The following GREB1L variants were observed in gnomAD, a reference collection of about 807,000 sequenced individuals.
GREB1L encodes GREB1 like retinoic acid receptor coactivator.
A neutral mutation model predicts 200.8 loss-of-function variants in GREB1L; 17 were observed. The observed-to-expected ratio is 0.08, with a 90% CI of 0.06 to 0.13. GREB1L has a LOEUF of 0.13. Among genes scored for constraint, GREB1L ranks in the 10% least tolerant of loss-of-function variants. The probability of loss-of-function intolerance (pLI) is 1.00; values close to 1 mark genes in which losing one functional copy is unlikely to be tolerated. For missense variants in GREB1L, 1,657 were observed against 2,367.7 expected, an observed-to-expected ratio of 0.70 and a Z score of 6.23; for synonymous variants, 789 against 893.0, an observed-to-expected ratio of 0.88 and a Z score of 2.08.
chr18:21,520,578 T>C, intron 31 of GREB1L, 110 bp from the exon 32 acceptor site: 1 of 1,258,876 alleles, frequency 7.9e-7, no homozygotes, highest in Non-Finnish European at 1.1e-6. Context: ...CTCATCTCCT[T>C]TACCTTATCC....
At chr18:21,433,859 T>C (rs1361306543) in intron 7 of GREB1L, among the ~76,000 whole-genome samples, 9 of 152,200 alleles carry the variant, frequency 5.9e-5, no homozygotes, top group African/African-American at 2.2e-4. Flanking sequence ...TCGATCTAGC[T>C]GTTCTGCTGG....
chr18:21,477,603 G>A (rs1455757244), intron 17 of GREB1L, among the ~76,000 whole-genome samples: 1 of 152,070 alleles, frequency 6.6e-6, no homozygotes, highest in African/African-American at 2.4e-5. Flanking sequence ...TGGCTAACAC[G>A]GTGAAACCCC....
At chr18:21,293,401 T>A (rs2038480201) in intron 1 of GREB1L, among the ~76,000 whole-genome samples, 1 of 152,228 alleles carries the variant, frequency 6.6e-6, no homozygotes, top group South Asian at 2.1e-4. Flanking sequence ...AACAATCATT[T>A]TATTTTATGT....
At chr18:21,351,220 T>G (rs2039428336) in intron 1 of GREB1L, among the ~76,000 whole-genome samples, 1 of 152,202 alleles carries the variant, frequency 6.6e-6, no homozygotes, top group South Asian at 2.1e-4. Context: ...TACTGCTTTA[T>G]GTAGATGTTT....
At chr18:21,321,210 G>A (rs1322920599) in intron 1 of GREB1L, among the ~76,000 whole-genome samples, 1 of 151,676 alleles carries the variant, frequency 6.6e-6, no homozygotes, top group African/African-American at 2.4e-5. Context: ...CAGGAGAATC[G>A]CTTGAACCCG....
chr18:21,423,479 C>T (rs1009727901), intron 7 of GREB1L, among the ~76,000 whole-genome samples: 12 of 152,110 alleles, frequency 7.9e-5, no homozygotes, highest in Admixed American at 2.6e-4. Context: ...GTTTTTTGTA[C>T]ATAATTCCTG....
chr18:21,514,767 AAAGTCATCT>A (rs2037359076), intron 28 of GREB1L, among the ~76,000 whole-genome samples: 2 of 152,170 alleles, frequency 1.3e-5, no homozygotes, highest in African/African-American at 4.8e-5. Context: ...ATGAAAAAGG[AAAGTCATCT>A]CACCTCTCCA....
chr18:21,262,853 A>C (rs970379753), intron 1 of GREB1L, among the ~76,000 whole-genome samples: 7 of 152,172 alleles, frequency 4.6e-5, no homozygotes, highest in African/African-American at 1.7e-4. Context: ...AGTTAGTATG[A>C]ATATTTTTAA....
At position 21,403,984 on chromosome 18, in the gene GREB1L, C is replaced by T; in HGVS notation, c.822C>T (p.Phe274=). 1 of 1,551,382 alleles carries T rather than the reference C, an allele frequency of 6.4e-7. No homozygotes were observed. Among genetic ancestry groups the T allele is most frequent in the Non-Finnish European group, 8.7e-7 (1 of 1,146,348 alleles). The change falls in exon 7 of 33, where the codon TTC becomes TTT. Residue 274 remains phenylalanine (F), a synonymous_variant. Transcript: ENST00000424526. ...NGTTNGYKSG[F]TQTDAANGNS... is the part of the protein sequence containing the mutation. ...CAACTAATGGATACAAATCAGGATTCACTCAGACAGGTATGGGATATTTTC... is the reference window on the plus strand; with the variant it reads ...CAACTAATGGATACAAATCAGGATTTACTCAGACAGGTATGGGATATTTTC...
At chr18:21,506,046 C>T (rs2037002540) in intron 25 of GREB1L, 97 bp downstream of exon 25, 5 of 1,256,258 alleles carry the variant, frequency 4.0e-6, no homozygotes, top group Non-Finnish European at 4.3e-6. Context: ...CCCCTAGTTT[C>T]AGGCCTCTGG....
chr18:21,516,199 C>G (rs774665354), intron 29 of GREB1L, among the ~76,000 whole-genome samples: 36 of 152,152 alleles, frequency 2.4e-4, no homozygotes, highest in Non-Finnish European at 5.0e-4. Flanking sequence ...AGGCAGGAAC[C>G]ATAAAGTCCT....
chr18:21,254,731 C>T (rs1439911508), intron 1 of GREB1L, among the ~76,000 whole-genome samples: 7 of 152,172 alleles, frequency 4.6e-5, no homozygotes, highest in Non-Finnish European at 1.0e-4. Context: ...CTCCGCCATC[C>T]TCAGCTTGTT....
At chr18:21,462,106 AAAGT>A (rs1390297074) in intron 15 of GREB1L, among the ~76,000 whole-genome samples, 8 of 152,230 alleles carry the variant, frequency 5.3e-5, no homozygotes, top group African/African-American at 1.9e-4. Flanking sequence ...ACTCATGTCA[AAAGT>A]AAGATTTAGT....
At chr18:21,426,249 G>A (rs1415720719) in intron 7 of GREB1L, among the ~76,000 whole-genome samples, 1 of 151,756 alleles carries the variant, frequency 6.6e-6, no homozygotes, top group Non-Finnish European at 1.5e-5. Context: ...GTACAGACGG[G>A]GGTTTCACCA....
chr18:21,288,393 T>G (rs1331405866), intron 1 of GREB1L, among the ~76,000 whole-genome samples: 2 of 152,192 alleles, frequency 1.3e-5, no homozygotes, highest in Non-Finnish European at 2.9e-5. Context: ...GCCAGATTAC[T>G]GCTTTTGGAC....
chr18:21,418,217 C>T (rs1198058438), intron 7 of GREB1L, among the ~76,000 whole-genome samples: 1 of 152,026 alleles, frequency 6.6e-6, no homozygotes, highest in African/African-American at 2.4e-5. Context: ...TTTGCAACAT[C>T]ACCTGAGGTT....
At chr18:21,507,797 A>G (rs1054646944) in intron 25 of GREB1L, among the ~76,000 whole-genome samples, 4 of 152,230 alleles carry the variant, frequency 2.6e-5, no homozygotes, top group Non-Finnish European at 4.4e-5. Flanking sequence ...AGAGCAGGAC[A>G]TCCCACAGAT....
At chr18:21,265,535 G>A (rs1366340263) in intron 1 of GREB1L, among the ~76,000 whole-genome samples, 2 of 152,000 alleles carry the variant, frequency 1.3e-5, no homozygotes, top group African/African-American at 2.4e-5. Context: ...TGATAGATTA[G>A]CACTCACCTA....
chr18:21,336,052 G>A (rs919661753), intron 1 of GREB1L, among the ~76,000 whole-genome samples: 4 of 152,194 alleles, frequency 2.6e-5, no homozygotes, highest in East Asian at 1.9e-4. Context: ...CTGCACTGAC[G>A]TTCTATCTTG....
Sources: gnomAD v4.1 joint callset for allele counts (sites outside exome capture counted in the v4.1 genomes callset) on GRCh38, gnomAD v4.1.1 for gene constraint, MANE v1.5 for transcripts, NCBI Gene and HGNC (gene_info 2026-07-23, HGNC 2026-07-21) for gene names.